TMEM232: variants seen among roughly 807,000 people sequenced by gnomAD.
TMEM232 encodes the protein transmembrane protein 232.
Under a neutral mutation model 78.8 loss-of-function variants are expected in TMEM232, and 80 were observed. That is an observed-to-expected ratio of 1.01 (90% CI 0.85 to 1.22). The LOEUF (loss-of-function observed/expected upper bound fraction) is 1.22. Among genes scored for constraint, TMEM232 ranks in the 50% most tolerant of loss-of-function variants. The pLI, the probability that TMEM232 is intolerant of heterozygous loss-of-function variation, is 0.00. For missense variants in TMEM232, 881 were observed against 742.2 expected (o/e 1.19, Z -2.17); for synonymous variants, 297 against 254.3 (o/e 1.17, Z -1.60).
intron 12 of TMEM232, among the ~76,000 whole-genome samples, chr5:110,468,118 T>C (rs190544437): frequency 3.9e-5 from 6 of 152,098 alleles, no homozygotes; most frequent in African/African-American, 1.2e-4. Context: ...AAAAGATAGA[T>C]ACATTACTTT....
chr5:110,648,223 G>A (rs1428535523), intron 2 of TMEM232, among the ~76,000 whole-genome samples: 1 of 151,722 alleles, frequency 6.6e-6, no homozygotes, highest in African/African-American at 2.4e-5. Flanking sequence ...TTCACCAGAA[G>A]GGTTAACACT....
chr5:110,567,083 G>A (rs1776429612), intron 11 of TMEM232, among the ~76,000 whole-genome samples: 1 of 151,512 alleles, frequency 6.6e-6, no homozygotes, highest in African/African-American at 2.4e-5. Flanking sequence ...AACAACATGG[G>A]AAAAAACCCA....
intron 1 of TMEM232, among the ~76,000 whole-genome samples, chr5:110,722,029 T>G (rs1305634199): frequency 6.6e-6 from 1 of 151,934 alleles, no homozygotes; most frequent in African/African-American, 2.4e-5. Context: ...AGGGCAGTAT[T>G]TTATTGATAT....
intron 11 of TMEM232, among the ~76,000 whole-genome samples, chr5:110,566,404 A>C (rs778222866): frequency 6.6e-6 from 1 of 151,828 alleles, no homozygotes; most frequent in African/African-American, 2.4e-5. Flanking sequence ...TTCCCAAAAA[A>C]TGGGATGCAG....
intron 2 of TMEM232, 110 bp from the exon 3 acceptor site, chr5:110,642,481 T>A: frequency 1.4e-6 from 1 of 732,110 alleles, no homozygotes; most frequent in South Asian, 2.2e-5. Flanking sequence ...CAAAAATACT[T>A]TCTTAATAAA....
At chr5:110,560,325 T>C (rs1268113292) in intron 11 of TMEM232, among the ~76,000 whole-genome samples, 1 of 152,116 alleles carries the variant, frequency 6.6e-6, no homozygotes, top group Non-Finnish European at 1.5e-5. Flanking sequence ...CCATTTCATA[T>C]GGGCCAACCA....
intron 10 of TMEM232, among the ~76,000 whole-genome samples, chr5:110,574,693 T>C (rs918181194): frequency 1.3e-5 from 2 of 152,102 alleles, no homozygotes; most frequent in African/African-American, 2.4e-5. Flanking sequence ...GACCATACTC[T>C]ATGTATATTG....
chr5:110,400,215 G>C (rs931832448), intron 2 of TMEM232, among the ~76,000 whole-genome samples: 7 of 152,126 alleles, frequency 4.6e-5, no homozygotes, highest in African/African-American at 1.7e-4. Flanking sequence ...TTAGAATCTA[G>C]CAGAACTAAA....
intron 12 of TMEM232, among the ~76,000 whole-genome samples, chr5:110,458,632 C>T (rs965327846): frequency 6.6e-6 from 1 of 152,114 alleles, no homozygotes; most frequent in Non-Finnish European, 1.5e-5. Context: ...GAAGTCTCTA[C>T]CTGCTTTTAA....
Position 110,618,563 on chromosome 5 carries a change from C to G in TMEM232, c.769-1G>C, listed in dbSNP as rs892282959. ...GCAGGTGGTTAATTTCATATCCTCC[C>G]TGATTAAATTGCAAATGTTTCAGGA... On this transcript the variant is annotated splice_acceptor_variant, in intron 7 of 13. Coordinates refer to ENST00000455884, the MANE Select transcript of TMEM232 (RefSeq NM_001039763.4). LOFTEE classifies it high-confidence loss of function. 6.5e-7 allele frequency: 1 copy of G among 1,539,198 alleles called. No individual in the cohort carries two copies. Among genetic ancestry groups the G allele is most frequent in the Non-Finnish European group, 8.7e-7 (1 of 1,143,846 alleles).
chr5:110,573,736 C>T (rs55785316), intron 10 of TMEM232, among the ~76,000 whole-genome samples: 33 of 152,144 alleles, frequency 2.2e-4, no homozygotes, highest in Non-Finnish European at 4.7e-4. Context: ...AGGTGATATT[C>T]AAGCTAAGAT....
chr5:110,674,956 C>T (rs935866584), intron 1 of TMEM232, among the ~76,000 whole-genome samples: 7 of 152,154 alleles, frequency 4.6e-5, no homozygotes, highest in Admixed American at 1.3e-4. Flanking sequence ...CCATTATTTA[C>T]AAGTATAATT....
intron 2 of TMEM232, among the ~76,000 whole-genome samples, chr5:110,404,847 T>G (rs1256499510): frequency 6.6e-6 from 1 of 151,952 alleles, no homozygotes; most frequent in Non-Finnish European, 1.5e-5. Context: ...GGTGGAGGTG[T>G]AGGCCTGATG....
At chr5:110,500,444 A>T (rs1580954081) in intron 12 of TMEM232, among the ~76,000 whole-genome samples, 1 of 152,134 alleles carries the variant, frequency 6.6e-6, no homozygotes, top group South Asian at 2.1e-4. Flanking sequence ...GTTAAAACAT[A>T]CTTTTCAATG....
chr5:110,715,284 GA>G (rs983669356), intron 1 of TMEM232, among the ~76,000 whole-genome samples: 4 of 151,368 alleles, frequency 2.6e-5, no homozygotes, highest in Admixed American at 6.6e-5. Context: ...AAGAAATTAT[GA>G]AAAAAAACCA....
chr5:110,457,663 G>C (rs1484477062), intron 12 of TMEM232, among the ~76,000 whole-genome samples: 1 of 151,810 alleles, frequency 6.6e-6, no homozygotes, highest in Non-Finnish European at 1.5e-5. Flanking sequence ...CAATATAAAG[G>C]AATTTACACT....
intron 2 of TMEM232, among the ~76,000 whole-genome samples, chr5:110,647,314 T>A (rs1228697867): frequency 6.6e-6 from 1 of 151,972 alleles, no homozygotes; most frequent in Non-Finnish European, 1.5e-5. Context: ...CATCAAAGAA[T>A]GTCAGATGAC....
chr5:110,427,414 C>T (rs1216591092), intron 12 of TMEM232, among the ~76,000 whole-genome samples: 1 of 151,874 alleles, frequency 6.6e-6, no homozygotes, highest in Non-Finnish European at 1.5e-5. Flanking sequence ...GCTGTATTAT[C>T]AATTGTAAGA....
At chr5:110,584,494 G>A (rs1401533462) in intron 10 of TMEM232, among the ~76,000 whole-genome samples, 1 of 152,024 alleles carries the variant, frequency 6.6e-6, no homozygotes, top group East Asian at 1.9e-4. Context: ...CCAGAGGTTG[G>A]TGGAGGCAAT....
Sources: gnomAD v4.1 joint callset for allele counts (sites outside exome capture counted in the v4.1 genomes callset) on GRCh38, gnomAD v4.1.1 for gene constraint, MANE v1.5 for transcripts, NCBI Gene and HGNC (gene_info 2026-07-23, HGNC 2026-07-21) for gene names.